RGS6: variants seen among roughly 807,000 people sequenced by gnomAD.
The protein encoded by RGS6 is regulator of G protein signaling 6.
Under a neutral mutation model 78.5 loss-of-function variants are expected in RGS6, and 30 were observed. The observed-to-expected ratio is 0.38, with a 90% CI of 0.29 to 0.52. RGS6 has a LOEUF of 0.52. Among genes scored for constraint, RGS6 ranks in the 20% least tolerant of loss-of-function variants. The pLI is 0.85. For synonymous variants in RGS6, 206 were observed against 206.0 expected (o/e 1.00, Z 0.00); for missense variants, 495 against 609.7 (o/e 0.81, Z 1.98).
intron 2 of RGS6, among the ~76,000 whole-genome samples, chr14:71,976,245 A>AT (rs1368498113): frequency 1.5e-5 from 2 of 136,346 alleles, no homozygotes; most frequent in East Asian, 4.3e-4. Context: ...TCTTCTGTTT[A>AT]TTTATTTTAT....
intron 2 of RGS6, among the ~76,000 whole-genome samples, chr14:72,280,648 C>T (rs1264591078): frequency 6.6e-6 from 1 of 152,222 alleles, no homozygotes; most frequent in Non-Finnish European, 1.5e-5. Flanking sequence ...GTGGAACTTG[C>T]AAGGTAGTCA....
At chr14:72,034,500 A>G (rs1205675878) in intron 2 of RGS6, among the ~76,000 whole-genome samples, 1 of 151,764 alleles carries the variant, frequency 6.6e-6, no homozygotes, top group African/African-American at 2.4e-5. Flanking sequence ...AAGCCATCCT[A>G]TCATTCCAGG....
At chr14:72,156,796 C>T (rs2096779526) in intron 2 of RGS6, among the ~76,000 whole-genome samples, 1 of 152,190 alleles carries the variant, frequency 6.6e-6, no homozygotes, top group Non-Finnish European at 1.5e-5. Context: ...GCCTGATTGG[C>T]GTGCCCACAC....
At chr14:71,901,634 A>C in the RGS6 span, among the ~76,000 whole-genome samples, 25 of 152,162 alleles carry the variant, frequency 1.6e-4, no homozygotes, top group Non-Finnish European at 3.1e-4. Context: ...ATCCCAGGCC[A>C]GTCATAAGGT....
the RGS6 span, among the ~76,000 whole-genome samples, chr14:72,602,601 T>G: frequency 6.6e-6 from 1 of 152,164 alleles, no homozygotes; most frequent in African/African-American, 2.4e-5. Context: ...TCCTGGTGCC[T>G]CTCTCCATTT....
intron 2 of RGS6, among the ~76,000 whole-genome samples, chr14:72,016,323 C>T (rs2086959408): frequency 6.6e-6 from 1 of 152,188 alleles, no homozygotes; most frequent in Non-Finnish European, 1.5e-5. Flanking sequence ...CATTCCCAAA[C>T]ACGTGTGACT....
At chr14:72,004,328 C>T (rs2084096476) in intron 2 of RGS6, among the ~76,000 whole-genome samples, 1 of 151,960 alleles carries the variant, frequency 6.6e-6, no homozygotes, top group African/African-American at 2.4e-5. Context: ...AGGGCACTTA[C>T]AAATTAAAAC....
intron 2 of RGS6, among the ~76,000 whole-genome samples, chr14:72,290,862 G>T (rs2152325155): frequency 6.6e-6 from 1 of 152,156 alleles, no homozygotes; most frequent in Non-Finnish European, 1.5e-5. Flanking sequence ...CTGTGCCAAG[G>T]GCAACAAGGT....
the RGS6 span, among the ~76,000 whole-genome samples, chr14:71,895,238 C>A: frequency 6.6e-6 from 1 of 152,184 alleles, no homozygotes; most frequent in African/African-American, 2.4e-5. Flanking sequence ...AACAGGAATG[C>A]AGTGGCGTGA....
At chr14:72,046,711 AT>A (rs2092874323) in intron 2 of RGS6, among the ~76,000 whole-genome samples, 1 of 151,956 alleles carries the variant, frequency 6.6e-6, no homozygotes, top group Non-Finnish European at 1.5e-5. Context: ...AAAGAGTTAT[AT>A]TAGCATTAGA....
At chr14:72,389,587 C>T (rs1203751981) in intron 3 of RGS6, among the ~76,000 whole-genome samples, 2 of 152,162 alleles carry the variant, frequency 1.3e-5, no homozygotes, top group Non-Finnish European at 2.9e-5. Context: ...GTTCCGTTAC[C>T]CGATCCCCAG....
At chr14:72,080,826 A>G (rs759484795) in intron 2 of RGS6, among the ~76,000 whole-genome samples, 9 of 152,038 alleles carry the variant, frequency 5.9e-5, no homozygotes, top group Non-Finnish European at 8.8e-5. Flanking sequence ...TCTATTGACC[A>G]TTGACTATGT....
At chr14:72,195,393 T>C (rs1322425837) in intron 2 of RGS6, among the ~76,000 whole-genome samples, 1 of 152,134 alleles carries the variant, frequency 6.6e-6, no homozygotes, top group East Asian at 1.9e-4. Context: ...GGGCTATGTA[T>C]ATACATTTCA....
At chr14:72,389,607 C>T (rs2089372829) in intron 3 of RGS6, among the ~76,000 whole-genome samples, 1 of 152,178 alleles carries the variant, frequency 6.6e-6, no homozygotes, top group South Asian at 2.1e-4. Context: ...GGGCCTGAAA[C>T]AGAGTCCAGG....
the RGS6 span, among the ~76,000 whole-genome samples, chr14:71,887,024 C>T: frequency 2.0e-5 from 3 of 152,056 alleles, no homozygotes; most frequent in South Asian, 2.1e-4. Flanking sequence ...TTGGTGGGCA[C>T]CTGTAATCCT....
chr14:72,247,523 C>G (rs1323755659), intron 2 of RGS6, among the ~76,000 whole-genome samples: 1 of 152,170 alleles, frequency 6.6e-6, no homozygotes, highest in African/African-American at 2.4e-5. Context: ...CAGAGGCACA[C>G]AAGGAGAGAT....
At chr14:72,277,601 T>TA (rs201679734) in intron 2 of RGS6, among the ~76,000 whole-genome samples, 157 of 138,392 alleles carry the variant, frequency 1.1e-3, no homozygotes, top group African/African-American at 3.5e-3. Context: ...ATCTAAAAAA[T>TA]AAAAAAAAAA....
At chr14:72,016,350 CTTTAT>C (rs1357479798) in intron 2 of RGS6, among the ~76,000 whole-genome samples, 1 of 152,180 alleles carries the variant, frequency 6.6e-6, no homozygotes, top group East Asian at 1.9e-4. Context: ...GGCTTCTGTT[CTTTAT>C]TTTATTTTTA....
the RGS6 span, among the ~76,000 whole-genome samples, chr14:71,880,554 AG>A: frequency 6.6e-6 from 1 of 152,222 alleles, no homozygotes; most frequent in East Asian, 1.9e-4. Flanking sequence ...TGTGGCTAAA[AG>A]GGGCCAACAC....
Sources: allele counts gnomAD v4.1 joint callset (sites outside exome capture counted in the v4.1 genomes callset), GRCh38; gene constraint gnomAD v4.1.1; transcripts MANE v1.5; gene names NCBI Gene and HGNC (gene_info 2026-07-23, HGNC 2026-07-21).